ATP10B: variants seen among roughly 807,000 people sequenced by gnomAD.
ATP10B encodes the protein ATPase phospholipid transporting 10B (putative).
Under a neutral mutation model 141.2 loss-of-function variants are expected in ATP10B, and 122 were observed. That is an observed-to-expected ratio of 0.86 (90% CI 0.75 to 1.00). The LOEUF is 1.00. Ranked by LOEUF, ATP10B falls within the 50% of genes least tolerant of loss-of-function variation. The pLI is 0.00. For missense variants in ATP10B, 1,876 were observed against 1,825.3 expected (o/e 1.03, Z -0.51); for synonymous variants, 685 against 692.0 (o/e 0.99, Z 0.16).
At chr5:160,844,566 G>C (rs533444745) in intron 1 of ATP10B, among the ~76,000 whole-genome samples, 2 of 149,642 alleles carry the variant, frequency 1.3e-5, no homozygotes, top group Non-Finnish European at 3.0e-5. Context: ...TTTTTTTTGA[G>C]AAACAGTGTT....
chr5:160,630,817 T>G (rs1561669711), intron 13 of ATP10B, among the ~76,000 whole-genome samples: 1 of 152,220 alleles, frequency 6.6e-6, no homozygotes, highest in Non-Finnish European at 1.5e-5. Flanking sequence ...TGCATTTCCG[T>G]GCATGACAAT....
chr5:160,900,267 C>T, the ATP10B span, among the ~76,000 whole-genome samples: 1 of 152,222 alleles, frequency 6.6e-6, no homozygotes. Flanking sequence ...CATTTTCTTT[C>T]TCTTTTATTC....
chr5:160,665,922 G>C (rs753655853), intron 7 of ATP10B, among the ~76,000 whole-genome samples: 14 of 152,140 alleles, frequency 9.2e-5, no homozygotes, highest in Non-Finnish European at 2.1e-4. Context: ...TATTATGTAA[G>C]ATATTAAATT....
Position 160,847,307 on chromosome 5 carries a change from G to A in ATP10B, c.-576+4634C>T, listed in dbSNP as rs189391753. 9.9e-5 allele frequency among the ~76,000 whole-genome samples: 15 copies of A among 152,268 alleles called. 1 individual carries two copies. The highest frequency in any genetic ancestry group is 2.6e-4 in the African/African-American group (11 of 41,554). On this transcript the variant is annotated intron_variant, in intron 1 of 25. Coordinates refer to ENST00000327245, the MANE Select transcript of ATP10B (RefSeq NM_025153.3). ...AAAAGACAATGCAAGCTATTTTATC[G>A]TCTAAGGAAGAGAAGCAAGTTTCGC...
At chr5:160,716,002 C>T (rs1445895068) in intron 3 of ATP10B, among the ~76,000 whole-genome samples, 1 of 152,154 alleles carries the variant, frequency 6.6e-6, no homozygotes, top group African/African-American at 2.4e-5. Context: ...AGCCACCATA[C>T]CCGGCCAGAA....
At chr5:160,662,302 G>A (rs1323800602) in intron 7 of ATP10B, among the ~76,000 whole-genome samples, 3 of 152,134 alleles carry the variant, frequency 2.0e-5, no homozygotes, top group Non-Finnish European at 2.9e-5. Flanking sequence ...CTACTTTCAA[G>A]TTCATATGGA....
the ATP10B span, among the ~76,000 whole-genome samples, chr5:160,892,226 C>G: frequency 6.6e-6 from 1 of 152,190 alleles, no homozygotes; most frequent in African/African-American, 2.4e-5. Flanking sequence ...CTGGGATTCA[C>G]GTGATCTGGC....
intron 1 of ATP10B, among the ~76,000 whole-genome samples, chr5:160,825,557 C>CT (rs1244356903): frequency 3.9e-5 from 6 of 152,310 alleles, no homozygotes; most frequent in Admixed American, 3.9e-4. Context: ...TTGGGTATGT[C>CT]TTTATCAGCA....
chr5:160,740,034 T>G (rs1201016631), intron 2 of ATP10B, among the ~76,000 whole-genome samples: 1 of 152,190 alleles, frequency 6.6e-6, no homozygotes, highest in African/African-American at 2.4e-5. Flanking sequence ...GAAGGGGAAC[T>G]AATGGAAATC....
the ATP10B span, among the ~76,000 whole-genome samples, chr5:160,870,778 A>C: frequency 6.6e-6 from 1 of 152,086 alleles, no homozygotes; most frequent in Non-Finnish European, 1.5e-5. Context: ...ACCTACAACA[A>C]AGCATATTAT....
At chr5:160,757,357 T>A (rs928066861) in intron 2 of ATP10B, among the ~76,000 whole-genome samples, 4 of 152,202 alleles carry the variant, frequency 2.6e-5, no homozygotes, top group African/African-American at 4.8e-5. Flanking sequence ...GGAATTTTTT[T>A]ATTGGCTTTA....
At chr5:160,622,085 G>T (rs967450142) in intron 14 of ATP10B, among the ~76,000 whole-genome samples, 2 of 152,180 alleles carry the variant, frequency 1.3e-5, no homozygotes, top group African/African-American at 4.8e-5. Flanking sequence ...AAAGTGCTGG[G>T]TATGGAGCCT....
At chr5:160,906,161 A>T in the ATP10B span, among the ~76,000 whole-genome samples, 1 of 152,216 alleles carries the variant, frequency 6.6e-6, no homozygotes, top group Non-Finnish European at 1.5e-5. Context: ...CCAAGAACTT[A>T]CAATGGATCA....
rs1025508499 is a variant in ATP10B at position 160,815,990 on chromosome 5, A to C, written c.-575-30187T>G. On this transcript the variant is annotated intron_variant, in intron 1 of 25. Transcript: ENST00000327245. ...GAGAACAAAGACACAACATACCAGA[A>C]TCTCTGGGACACATTTAAAGCAGTG... is the stretch of plus-strand genomic sequence containing the variant. Among the ~76,000 whole-genome samples, 4 of 152,036 alleles carry C rather than the reference A, an allele frequency of 2.6e-5. No homozygotes were observed. In the East Asian group the frequency reaches 7.7e-4, roughly 29 times the overall value.
chr5:160,813,765 G>T (rs1773353523), intron 1 of ATP10B, among the ~76,000 whole-genome samples: 2 of 152,120 alleles, frequency 1.3e-5, no homozygotes, highest in African/African-American at 4.8e-5. Flanking sequence ...CACACGGCAG[G>T]GTACTCCTCT....
At chr5:160,650,119 TA>T (rs1344010864) in intron 7 of ATP10B, among the ~76,000 whole-genome samples, 5 of 130,602 alleles carry the variant, frequency 3.8e-5, no homozygotes, top group African/African-American at 1.7e-4. Context: ...AAAAAAATTT[TA>T]TATATATATA....
At chr5:160,844,423 A>T (rs1167438431) in intron 1 of ATP10B, among the ~76,000 whole-genome samples, 3 of 152,192 alleles carry the variant, frequency 2.0e-5, no homozygotes, top group African/African-American at 7.2e-5. Context: ...TCATAATGAG[A>T]TTTCTCAAAC....
intron 2 of ATP10B, among the ~76,000 whole-genome samples, chr5:160,754,306 A>G (rs1259748825): frequency 6.6e-6 from 1 of 152,216 alleles, no homozygotes; most frequent in East Asian, 1.9e-4. Context: ...ACTCAAGAAG[A>G]GACTTTCTGG....
chr5:160,695,451 CTGGA>C (rs1471901861), intron 3 of ATP10B, among the ~76,000 whole-genome samples: 1 of 151,374 alleles, frequency 6.6e-6, no homozygotes, highest in Non-Finnish European at 1.5e-5. Flanking sequence ...TGAGAGGTGG[CTGGA>C]TGGAGTACTA....
Sources: gnomAD v4.1 joint callset for allele counts (sites outside exome capture counted in the v4.1 genomes callset) on GRCh38, gnomAD v4.1.1 for gene constraint, MANE v1.5 for transcripts, NCBI Gene and HGNC (gene_info 2026-07-23, HGNC 2026-07-21) for gene names.